The following ABHD6 variants were observed in gnomAD, a reference collection of about 807,000 sequenced individuals.
The protein encoded by ABHD6 is monoacylglycerol lipase ABHD6.
In ABHD6, 33 loss-of-function variants were observed where a neutral mutation model predicts 38.8. The ratio of observed to expected loss-of-function variants is 0.85; its 90% CI spans 0.64 to 1.14. The LOEUF (loss-of-function observed/expected upper bound fraction) is 1.14. ABHD6 is among the 50% of genes most tolerant of loss of function. The pLI, the probability that ABHD6 is intolerant of heterozygous loss-of-function variation, is 0.00. For missense variants in ABHD6, 380 were observed against 422.6 expected, an observed-to-expected ratio of 0.90 and a Z score of 0.88; for synonymous variants, 147 against 161.6, an observed-to-expected ratio of 0.91 and a Z score of 0.69.
chr3:58,254,455 A>G (rs2097431898), intron 2 of ABHD6, among the ~76,000 whole-genome samples: 1 of 152,194 alleles, frequency 6.6e-6, no homozygotes, highest in Non-Finnish European at 1.5e-5. Flanking sequence ...TAAAATCGTC[A>G]CCGTCTGGCA....
intron 6 of ABHD6, among the ~76,000 whole-genome samples, chr3:58,271,845 G>A (rs935692402): frequency 7.8e-6 from 1 of 128,214 alleles, no homozygotes; most frequent in African/African-American, 2.9e-5. Flanking sequence ...GCTCACTGCA[G>A]CCTTGACTTC....
At chr3:58,270,565 T>C (rs533945967) in intron 5 of ABHD6, among the ~76,000 whole-genome samples, 5 of 149,848 alleles carry the variant, frequency 3.3e-5, no homozygotes, top group African/African-American at 1.2e-4. Flanking sequence ...TTCTAGCTAC[T>C]CGGGAGGCTG....
At position 58,265,722 on chromosome 3, in the gene ABHD6, T is replaced by G. The variant is rs2097440456; in HGVS notation, c.120-1467T>G. 6.6e-6 allele frequency among the ~76,000 whole-genome samples: 1 copy of G among 152,226 alleles called. No individual in the cohort carries two copies. Among genetic ancestry groups the G allele is most frequent in the African/African-American group, 2.4e-5 (1 of 41,452 alleles). ...TTGTTTGGCTTATTGTTCTGGAGGT[T>G]GGGAAGCCCAAGAGAATGGCACCAA... is the stretch of plus-strand genomic sequence containing the variant. On this transcript the variant is annotated intron_variant, in intron 3 of 9. Coordinates refer to ENST00000478253, the MANE Select transcript of ABHD6 (RefSeq NM_001320126.2). The surrounding 1 kb of genome is among the most constrained non-coding windows in gnomAD (Gnocchi z 4.2).
intron 3 of ABHD6, among the ~76,000 whole-genome samples, chr3:58,264,420 CACACACACACACACACACACACACAT>C (rs1175301018): frequency 6.9e-6 from 1 of 144,134 alleles, no homozygotes; most frequent in African/African-American, 2.8e-5. Context: ...CACACACACA[CACACACACACACACACACACACACAT>C]ATGCCAGGTG....
At chr3:58,254,817 G>GATATATATGTGTGTATATAC (rs2097432171) in intron 2 of ABHD6, among the ~76,000 whole-genome samples, 2 of 145,916 alleles carry the variant, frequency 1.4e-5, no homozygotes, top group South Asian at 2.2e-4. Context: ...TATACTTTAT[G>GATATATATGTGTGTATATAC]ATATATATGT....
intron 3 of ABHD6, chr3:58,258,532 A>G (rs1299769327): frequency 1.0e-5 from 3 of 295,928 alleles, no homozygotes; most frequent in Non-Finnish European, 2.1e-5. Flanking sequence ...CCACTGTCCA[A>G]TTATCAAATG....
intron 7 of ABHD6, among the ~76,000 whole-genome samples, chr3:58,279,294 G>T (rs1254862462): frequency 1.3e-5 from 2 of 152,152 alleles, no homozygotes; most frequent in East Asian, 1.9e-4. Context: ...CCTGTATTGG[G>T]TGCATATATA....
intron 7 of ABHD6, among the ~76,000 whole-genome samples, chr3:58,283,103 C>G (rs930477091): frequency 7.9e-5 from 12 of 152,190 alleles, no homozygotes; most frequent in Non-Finnish European, 1.8e-4. Flanking sequence ...GGGAATAGAT[C>G]CCATTCAGAA....
intron 6 of ABHD6, 123 bp from the exon 7 acceptor site, chr3:58,274,535 A>G: frequency 9.7e-7 from 1 of 1,034,052 alleles, no homozygotes; most frequent in Non-Finnish European, 1.4e-6. Flanking sequence ...CAAAAAAGAA[A>G]TCTACTCATG....
Position 58,285,467 on chromosome 3 carries a change from C to A in ABHD6, c.837+14C>A. 1 of 1,604,618 alleles carries A rather than the reference C, an allele frequency of 6.2e-7. No homozygotes were observed. The highest frequency in any genetic ancestry group is 8.5e-7 in the Non-Finnish European group (1 of 1,171,414). On this transcript the variant is annotated intron_variant, in intron 9 of 9. Coordinates refer to ENST00000478253, the MANE Select transcript of ABHD6 (RefSeq NM_001320126.2). The surrounding 1 kb of genome is among the most constrained non-coding windows in gnomAD (Gnocchi z 4.9). Reference sequence around the variant, plus strand: ...AAACAAGACCAGGTATGTAACACATCCCCGCGGCAGTCTGTGCTGGTCACC... The same window carrying A: ...AAACAAGACCAGGTATGTAACACATACCCGCGGCAGTCTGTGCTGGTCACC...
At chr3:58,283,674 A>C (rs2097454906) in intron 7 of ABHD6, among the ~76,000 whole-genome samples, 1 of 152,156 alleles carries the variant, frequency 6.6e-6, no homozygotes, top group Admixed American at 6.5e-5. Context: ...GGTTGGATGG[A>C]TGGATGGATG....
At position 58,243,788 on chromosome 3, in the gene ABHD6, G is replaced by A. The variant is rs193217137; in HGVS notation, c.-91+5872G>A. Among the ~76,000 whole-genome samples, 220 of 152,086 alleles carry A rather than the reference G, an allele frequency of 1.4e-3. 1 individual carries two copies. The highest frequency in any genetic ancestry group is 4.8e-3 in the African/African-American group (199 of 41,500). ...GCATTCTTGTGCCTCAGCCTCCTTT[G>A]TAGCTGGGACGACAGGTGTGTGCCA... is the stretch of plus-strand genomic sequence containing the variant. On this transcript the variant is annotated intron_variant, in intron 1 of 9. Coordinates refer to ENST00000478253, the MANE Select transcript of ABHD6 (RefSeq NM_001320126.2).
At chr3:58,280,335 A>G (rs2097452181) in intron 7 of ABHD6, among the ~76,000 whole-genome samples, 1 of 151,586 alleles carries the variant, frequency 6.6e-6, no homozygotes, top group Admixed American at 6.6e-5. Flanking sequence ...TTATTTTATT[A>G]ATTTTATCTT....
chr3:58,281,320 G>C (rs1241948832), intron 7 of ABHD6, among the ~76,000 whole-genome samples: 1 of 152,198 alleles, frequency 6.6e-6, no homozygotes, highest in Non-Finnish European at 1.5e-5. Context: ...CCCTCCCCCA[G>C]CCAGGCTGCC....
chr3:58,243,564 C>T (rs995453158), intron 1 of ABHD6, among the ~76,000 whole-genome samples: 1 of 151,526 alleles, frequency 6.6e-6, no homozygotes, highest in African/African-American at 2.4e-5. Context: ...GAGAAAAAAA[C>T]AGAAAGCCAG....
chr3:58,258,519 A>G (rs2097434857), intron 3 of ABHD6: 1 of 300,678 alleles, frequency 3.3e-6, no homozygotes, highest in Non-Finnish European at 6.9e-6. Flanking sequence ...TTGCCTTTTC[A>G]TGCCACTGTC....
chr3:58,249,659 C>T (rs748075677), intron 1 of ABHD6, among the ~76,000 whole-genome samples: 55 of 152,306 alleles, frequency 3.6e-4, no homozygotes, highest in Admixed American at 2.0e-4. Flanking sequence ...TTATCTGAGA[C>T]GCCCTGCCCT....
rs1304915192 is a variant in ABHD6 at position 58,269,915 on chromosome 3, A to G, written c.390+481A>G. Among the ~76,000 whole-genome samples the G allele has an allele frequency of 6.6e-6, 1 of 152,240 alleles. No individual in the cohort carries two copies. Among genetic ancestry groups the G allele is most frequent in the Non-Finnish European group, 1.5e-5 (1 of 68,046 alleles). On this transcript the variant is annotated intron_variant, in intron 5 of 9. Transcript: ENST00000478253. The surrounding 1 kb of genome is among the most constrained non-coding windows in gnomAD (Gnocchi z 4.4). ...ATAGGAGTTTAAGAGCCATTTCAGAATGGGGTAGCCTGTAAGTTTCAGGTT... is the reference window on the plus strand; with the variant it reads ...ATAGGAGTTTAAGAGCCATTTCAGAGTGGGGTAGCCTGTAAGTTTCAGGTT...
intron 2 of ABHD6, among the ~76,000 whole-genome samples, chr3:58,255,632 TTTTTTA>T (rs2097432724): frequency 6.6e-6 from 1 of 152,002 alleles, no homozygotes; most frequent in East Asian, 1.9e-4. Flanking sequence ...CCTGTCCTCC[TTTTTTA>T]TTTTTATTTA....
Sources: gnomAD v4.1 joint callset for allele counts (sites outside exome capture counted in the v4.1 genomes callset) on GRCh38, gnomAD v4.1.1 for gene constraint, Gnocchi (gnomAD v3.1) non-coding constraint, MANE v1.5 for transcripts, NCBI Gene and HGNC (gene_info 2026-07-23, HGNC 2026-07-21) for gene names.